VPS8: variants seen among roughly 807,000 people sequenced by gnomAD.
VPS8 encodes vacuolar protein sorting-associated protein 8 homolog.
VPS8 carries 129 observed loss-of-function variants against 216.4 expected under a neutral mutation model. The observed-to-expected ratio is 0.60, with a 90% CI of 0.52 to 0.69. VPS8 has a LOEUF of 0.69. Among genes scored for constraint, VPS8 ranks in the 30% least tolerant of loss-of-function variants. The probability of loss-of-function intolerance (pLI) is 0.00; values close to 1 mark genes in which losing one functional copy is unlikely to be tolerated. For missense variants in VPS8, 1,531 were observed against 1,683.5 expected (o/e 0.91, Z 1.59); for synonymous variants, 571 against 565.4 (o/e 1.01, Z -0.14).
chr3:184,969,753 C>A (rs918889991), intron 39 of VPS8, among the ~76,000 whole-genome samples: 13 of 151,090 alleles, frequency 8.6e-5, no homozygotes, highest in African/African-American at 3.2e-4. Flanking sequence ...CAAGACAATA[C>A]ATGAAAGACA....
At chr3:185,028,888 G>A (rs922108641) in intron 46 of VPS8, among the ~76,000 whole-genome samples, 11 of 152,146 alleles carry the variant, frequency 7.2e-5, no homozygotes, top group African/African-American at 1.4e-4. Context: ...TCACTCGGTC[G>A]TTGTTGAATG....
chr3:184,998,043 T>G (rs1407482635), intron 44 of VPS8, among the ~76,000 whole-genome samples: 2 of 151,900 alleles, frequency 1.3e-5, no homozygotes, highest in East Asian at 3.9e-4. Context: ...GAGTAGTGAG[T>G]GAGGAGGCTA....
At chr3:184,933,761 AC>A (rs1741125329) in intron 34 of VPS8, among the ~76,000 whole-genome samples, 1 of 152,116 alleles carries the variant, frequency 6.6e-6, no homozygotes, top group African/African-American at 2.4e-5. Flanking sequence ...CAGCAATGCT[AC>A]CTTTGTGATG....
intron 8 of VPS8, among the ~76,000 whole-genome samples, chr3:184,848,567 T>C (rs1304827768): frequency 1.5e-5 from 2 of 130,452 alleles, no homozygotes; most frequent in Non-Finnish European, 3.1e-5. Flanking sequence ...CTGTATTCTT[T>C]TTTTTTTTTT....
chr3:184,971,319 A>T (rs950306156), intron 39 of VPS8, among the ~76,000 whole-genome samples: 9 of 152,222 alleles, frequency 5.9e-5, no homozygotes, highest in Admixed American at 5.9e-4. Flanking sequence ...AGAAGAAGAG[A>T]TAGTATACCA....
chr3:184,978,710 A>G (rs1198775808), intron 40 of VPS8, among the ~76,000 whole-genome samples: 3 of 152,068 alleles, frequency 2.0e-5, no homozygotes, highest in East Asian at 1.9e-4. Flanking sequence ...TCTTTTTCTT[A>G]CTAGTTAGTG....
At chr3:184,870,662 T>G (rs1728167664) in intron 20 of VPS8, 54 bp from the exon 21 acceptor site, 3 of 1,360,650 alleles carry the variant, frequency 2.2e-6, no homozygotes, top group Admixed American at 4.3e-5. Flanking sequence ...ACATACATAT[T>G]GAAAAACTTT....
intron 47 of VPS8, among the ~76,000 whole-genome samples, chr3:185,050,753 A>T (rs1022720518): frequency 6.6e-6 from 1 of 152,186 alleles, no homozygotes; most frequent in African/African-American, 2.4e-5. Context: ...TGTTTGGTAG[A>T]CACAGACAGG....
At chr3:185,023,055 T>C (rs1756873208) in intron 45 of VPS8, among the ~76,000 whole-genome samples, 1 of 152,194 alleles carries the variant, frequency 6.6e-6, no homozygotes, top group Admixed American at 6.5e-5. Context: ...ATGTATACAC[T>C]CATGAATCTG....
chr3:184,869,374 C>A lies in VPS8; in HGVS notation c.1598-108C>A, dbSNP rs181445926. On this transcript the variant is annotated intron_variant, in intron 19 of 47. Transcript: ENST00000625842. ...ACATTTTGATAGCTAAGAATTGTTA[C>A]AATTATACCTGTTGTTTCACATCTT... The A allele has an allele frequency of 5.2e-6, 6 of 1,153,460 alleles. No individual in the cohort carries two copies. In the East Asian group the frequency reaches 7.3e-5, roughly 14 times the overall value. 71.5% of individuals were successfully genotyped at this position (1,153,460 alleles called of 1,614,324 possible). A position where few individuals can be genotyped will look rare whatever the true frequency, so the allele number is the denominator to read the frequency against.
chr3:185,050,845 C>CGG (rs1714071125), intron 47 of VPS8, among the ~76,000 whole-genome samples: 1 of 152,086 alleles, frequency 6.6e-6, no homozygotes, highest in Non-Finnish European at 1.5e-5. Flanking sequence ...TCCATGTGAG[C>CGG]CTACACAGGG....
At chr3:185,042,146 T>C (rs550795350) in intron 46 of VPS8, among the ~76,000 whole-genome samples, 2 of 152,308 alleles carry the variant, frequency 1.3e-5, no homozygotes, top group African/African-American at 4.8e-5. Context: ...CAACTGATGG[T>C]GGGTATTATT....
chr3:184,955,115 T>G (rs1044048795), intron 36 of VPS8, among the ~76,000 whole-genome samples: 1 of 152,236 alleles, frequency 6.6e-6, no homozygotes, highest in East Asian at 1.9e-4. Flanking sequence ...GGAGTCTCCT[T>G]TCCTTGGAGG....
At position 184,957,407 on chromosome 3, in the gene VPS8, A is replaced by G. The variant is rs1657927562; in HGVS notation, c.3069A>G (p.Gln1023=). Residue 1023 remains glutamine (Q), a synonymous_variant, in exon 37 of 48, where the codon CAA becomes CAG. Coordinates refer to ENST00000625842, the MANE Select transcript of VPS8 (RefSeq NM_001009921.3). ...EGIHVNQELL[Q]ISPCITEQFI... ...TTCATGTAAATCAAGAATTACTGCA[A>G]ATATCTCCTTGTATCACAGAGCAGT... 2 of 1,611,524 alleles carry G rather than the reference A, an allele frequency of 1.2e-6. No individual in the cohort carries two copies. The highest frequency in any genetic ancestry group is 1.7e-6 in the Non-Finnish European group (2 of 1,178,802).
intron 46 of VPS8, among the ~76,000 whole-genome samples, chr3:185,025,717 C>A (rs572625694): frequency 1.3e-5 from 2 of 152,182 alleles, no homozygotes; most frequent in South Asian, 4.2e-4. Context: ...AGTAAGTAGA[C>A]GAGGAAATGG....
At chr3:184,941,625 G>A (rs1438368999) in intron 36 of VPS8, among the ~76,000 whole-genome samples, 1 of 151,932 alleles carries the variant, frequency 6.6e-6, no homozygotes, top group Non-Finnish European at 1.5e-5. Flanking sequence ...GCTCAGGGGA[G>A]GAGGAAGGAA....
chr3:184,820,598 T>G (rs1156716444), intron 1 of VPS8, among the ~76,000 whole-genome samples: 1 of 152,138 alleles, frequency 6.6e-6, no homozygotes, highest in Non-Finnish European at 1.5e-5. Flanking sequence ...TTAGGTACTT[T>G]CTGAAAAATT....
In VPS8 at chr3:184,843,252, TA is replaced by T; in HGVS notation, c.541+9del. On this transcript the variant is annotated splice_region_variant and intron_variant, in intron 8 of 47. Coordinates refer to ENST00000625842, the MANE Select transcript of VPS8 (RefSeq NM_001009921.3). ...ATGGATTCAAAAGGAAAAGGTATAG[TA>T]AGTAATTTTAGTTTGCATGAATGGT... 7.1e-7 allele frequency: 1 copy of T among 1,404,746 alleles called. No homozygotes were observed. The highest frequency in any genetic ancestry group is 1.6e-5 in the South Asian group (1 of 63,100). 87.0% of individuals were successfully genotyped at this position (1,404,746 alleles called of 1,614,324 possible). A position where few individuals can be genotyped will look rare whatever the true frequency, so the allele number is the denominator to read the frequency against.
At chr3:185,047,042 T>C (rs1713081223) in intron 46 of VPS8, among the ~76,000 whole-genome samples, 1 of 152,126 alleles carries the variant, frequency 6.6e-6, no homozygotes, top group Admixed American at 6.6e-5. Flanking sequence ...TTCCATAAAG[T>C]TTTCCCTCTC....
Sources: allele counts gnomAD v4.1 joint callset (sites outside exome capture counted in the v4.1 genomes callset), GRCh38; gene constraint gnomAD v4.1.1; transcripts MANE v1.5; gene names NCBI Gene and HGNC (gene_info 2026-07-23, HGNC 2026-07-21).